MAN2A1: variants seen among roughly 807,000 people sequenced by gnomAD.
The protein encoded by MAN2A1 is alpha-mannosidase 2.
A neutral mutation model predicts 142.6 loss-of-function variants in MAN2A1; 76 were observed. That is an observed-to-expected ratio of 0.53 (90% CI 0.44 to 0.65). The LOEUF (loss-of-function observed/expected upper bound fraction) is 0.65, where lower values mean the gene tolerates loss of function less well. Among genes scored for constraint, MAN2A1 ranks in the 30% least tolerant of loss-of-function variants. MAN2A1 has a pLI of 0.00. For synonymous variants in MAN2A1, 559 were observed against 473.2 expected, an observed-to-expected ratio of 1.18 and a Z score of -2.35; for missense variants, 1,311 against 1,365.1, an observed-to-expected ratio of 0.96 and a Z score of 0.62.
At chr5:109,727,780 C>A (rs572469721) in intron 3 of MAN2A1, among the ~76,000 whole-genome samples, 1 of 152,106 alleles carries the variant, frequency 6.6e-6, no homozygotes, top group Admixed American at 6.5e-5. Context: ...GGAGTTAGGG[C>A]ATCTGGGTTG....
At chr5:109,821,763 G>A (rs1486353027) in intron 15 of MAN2A1, among the ~76,000 whole-genome samples, 3 of 151,988 alleles carry the variant, frequency 2.0e-5, no homozygotes, top group Non-Finnish European at 4.4e-5. Context: ...GGTGTGTCCT[G>A]ATGATCTCTG....
chr5:109,860,097 T>C (rs1030184857), intron 20 of MAN2A1, among the ~76,000 whole-genome samples: 1 of 152,162 alleles, frequency 6.6e-6, no homozygotes, highest in Non-Finnish European at 1.5e-5. Context: ...CTTCTTTTCT[T>C]ATAAAAGGCA....
chr5:109,738,362 C>CT (rs1425569068), intron 4 of MAN2A1, among the ~76,000 whole-genome samples: 1 of 151,706 alleles, frequency 6.6e-6, no homozygotes, highest in Non-Finnish European at 1.5e-5. Context: ...CACTCCTAGA[C>CT]TAAGATTTAT....
intron 3 of MAN2A1, among the ~76,000 whole-genome samples, chr5:109,721,786 T>C (rs1462435123): frequency 2.0e-5 from 3 of 152,210 alleles, no homozygotes; most frequent in Admixed American, 6.5e-5. Context: ...TAGCTCTTCT[T>C]TCTCCTCAGT....
At chr5:109,774,545 C>G (rs1025400270) in intron 7 of MAN2A1, among the ~76,000 whole-genome samples, 1 of 151,894 alleles carries the variant, frequency 6.6e-6, no homozygotes, top group Admixed American at 6.6e-5. Flanking sequence ...CATTGGAAAC[C>G]TATGAGTTTT....
At chr5:109,817,614 T>C (rs905727544) in intron 13 of MAN2A1, among the ~76,000 whole-genome samples, 176 bp downstream of exon 13, 1 of 152,168 alleles carries the variant, frequency 6.6e-6, no homozygotes, top group Non-Finnish European at 1.5e-5. Context: ...GGAAAAATGA[T>C]CCTGTGTTCC....
At chr5:109,757,293 G>C (rs1752714351) in intron 5 of MAN2A1, among the ~76,000 whole-genome samples, 1 of 152,104 alleles carries the variant, frequency 6.6e-6, no homozygotes, top group Non-Finnish European at 1.5e-5. Flanking sequence ...CCTCCGTTAT[G>C]AATGTTTTTT....
At chr5:109,798,101 ATTATTGTCAATT>A (rs1318833982) in intron 12 of MAN2A1, among the ~76,000 whole-genome samples, 1 of 152,230 alleles carries the variant, frequency 6.6e-6, no homozygotes, top group Non-Finnish European at 1.5e-5. Context: ...AATCTAAATC[ATTATTGTCAATT>A]TTATTGTCAA....
At chr5:109,762,213 GTATC>G (rs1172042367) in intron 5 of MAN2A1, among the ~76,000 whole-genome samples, 1 of 151,916 alleles carries the variant, frequency 6.6e-6, no homozygotes, top group Non-Finnish European at 1.5e-5. Flanking sequence ...TACAACTTTT[GTATC>G]TATCTTCTTT....
chr5:109,742,682 G>A (rs1011466532), intron 4 of MAN2A1, among the ~76,000 whole-genome samples: 1 of 152,158 alleles, frequency 6.6e-6, no homozygotes, highest in Non-Finnish European at 1.5e-5. Context: ...GAAGGTTGCT[G>A]TAAAATTTAT....
intron 16 of MAN2A1, among the ~76,000 whole-genome samples, chr5:109,840,949 A>G (rs1755187482): frequency 1.3e-5 from 2 of 152,170 alleles, no homozygotes; most frequent in Admixed American, 6.5e-5. Context: ...CCTTCTGCTA[A>G]GCTCTGGGGA....
At chr5:109,815,948 C>T (rs1754445639) in intron 12 of MAN2A1, among the ~76,000 whole-genome samples, 1 of 152,126 alleles carries the variant, frequency 6.6e-6, no homozygotes, top group African/African-American at 2.4e-5. Context: ...ATTATTAGTC[C>T]AACATCCTCT....
chr5:109,781,179 T>TA (rs1432014958), intron 8 of MAN2A1, among the ~76,000 whole-genome samples: 2 of 152,168 alleles, frequency 1.3e-5, no homozygotes, highest in Non-Finnish European at 2.9e-5. Flanking sequence ...CTGAAGTGTA[T>TA]AAGTTTTCCC....
intron 1 of MAN2A1, among the ~76,000 whole-genome samples, chr5:109,694,900 A>T (rs546485513): frequency 6.6e-6 from 1 of 152,330 alleles, no homozygotes; most frequent in South Asian, 2.1e-4. Context: ...CAGTCTATTT[A>T]TAAACAATAG....
chr5:109,699,860 A>G (rs934055188), intron 1 of MAN2A1: 8 of 152,058 alleles, frequency 5.3e-5, no homozygotes, highest in African/African-American at 1.5e-4. Context: ...GAAATAAAAA[A>G]TGTTAAAAAA....
chr5:109,777,363 C>A (rs1257212476), intron 8 of MAN2A1, among the ~76,000 whole-genome samples: 1 of 151,914 alleles, frequency 6.6e-6, no homozygotes, highest in Non-Finnish European at 1.5e-5. Context: ...TTTGAGTATC[C>A]TCTTTTGTGA....
chr5:109,723,468 A>AT (rs1458211824), intron 3 of MAN2A1, among the ~76,000 whole-genome samples: 1 of 152,002 alleles, frequency 6.6e-6, no homozygotes, highest in Non-Finnish European at 1.5e-5. Flanking sequence ...AGTTCTCTTC[A>AT]TTTTGTCTCC....
chr5:109,733,530 C>T (rs1462659836), intron 4 of MAN2A1, among the ~76,000 whole-genome samples: 29 of 152,168 alleles, frequency 1.9e-4, no homozygotes, highest in Middle Eastern at 3.4e-3. Flanking sequence ...TTTTGAGATA[C>T]GTCCCATCAA....
intron 12 of MAN2A1, among the ~76,000 whole-genome samples, chr5:109,812,894 T>C (rs1318670619): frequency 6.6e-6 from 1 of 152,214 alleles, no homozygotes; most frequent in African/African-American, 2.4e-5. Flanking sequence ...CTGAACATTA[T>C]TCTGTGCTAG....
Sources: allele counts gnomAD v4.1 joint callset (sites outside exome capture counted in the v4.1 genomes callset), GRCh38; gene constraint gnomAD v4.1.1; transcripts MANE v1.5; gene names NCBI Gene and HGNC (gene_info 2026-07-23, HGNC 2026-07-21).